The following NAALADL2 variants were observed in gnomAD, a reference collection of about 807,000 sequenced individuals.
NAALADL2 encodes the protein inactive N-acetylated-alpha-linked acidic dipeptidase-like protein 2.
In NAALADL2, 76 loss-of-function variants were observed where a neutral mutation model predicts 87.2. That is an observed-to-expected ratio of 0.87 (90% CI 0.72 to 1.05). NAALADL2 has a LOEUF of 1.05. Ranked by LOEUF, NAALADL2 falls within the 50% of genes least tolerant of loss-of-function variation. The probability of loss-of-function intolerance (pLI) is 0.00; values close to 1 mark genes in which losing one functional copy is unlikely to be tolerated. For missense variants in NAALADL2, 1,089 were observed against 945.8 expected (o/e 1.15, Z -1.99); for synonymous variants, 354 against 331.0 (o/e 1.07, Z -0.75).
At chr3:175,317,600 C>G (rs1411602542) in intron 4 of NAALADL2, among the ~76,000 whole-genome samples, 2 of 151,826 alleles carry the variant, frequency 1.3e-5, no homozygotes, top group African/African-American at 4.8e-5. Context: ...GTTTTACTTT[C>G]AAAAAAGTGA....
At chr3:174,709,499 G>A (rs904305079) in intron 2 of NAALADL2, among the ~76,000 whole-genome samples, 4 of 152,078 alleles carry the variant, frequency 2.6e-5, no homozygotes, top group African/African-American at 9.7e-5. Context: ...AGATGATTCT[G>A]GGTTTCTAAA....
chr3:175,536,365 T>C (rs934552604), intron 9 of NAALADL2, among the ~76,000 whole-genome samples: 8 of 152,186 alleles, frequency 5.3e-5, no homozygotes, highest in African/African-American at 1.9e-4. Context: ...TTACCTAACA[T>C]ATGACCCCCA....
At chr3:175,461,316 G>T (rs1406828968) in intron 6 of NAALADL2, among the ~76,000 whole-genome samples, 1 of 151,960 alleles carries the variant, frequency 6.6e-6, no homozygotes, top group Non-Finnish European at 1.5e-5. Flanking sequence ...ACAGAGTGCT[G>T]ATTGGCACAT....
intron 9 of NAALADL2, among the ~76,000 whole-genome samples, chr3:175,526,766 G>A (rs1733471870): frequency 6.6e-6 from 1 of 152,012 alleles, no homozygotes; most frequent in Non-Finnish European, 1.5e-5. Flanking sequence ...TTTGTTCCAC[G>A]GGTCCACCAG....
intron 2 of NAALADL2, among the ~76,000 whole-genome samples, chr3:175,141,406 A>T (rs566569193): frequency 3.3e-4 from 50 of 152,212 alleles, no homozygotes; most frequent in African/African-American, 1.2e-3. Flanking sequence ...AGCAAGAGAT[A>T]AATTCAAGTC....
intron 2 of NAALADL2, among the ~76,000 whole-genome samples, chr3:175,186,627 A>C (rs1273067235): frequency 6.6e-6 from 1 of 152,106 alleles, no homozygotes; most frequent in Admixed American, 6.6e-5. Context: ...CTTTTACTTT[A>C]CTACCTTTGA....
intron 1 of NAALADL2, among the ~76,000 whole-genome samples, chr3:174,488,623 A>G (rs1453831890): frequency 6.6e-6 from 1 of 152,062 alleles, no homozygotes; most frequent in Non-Finnish European, 1.5e-5. Flanking sequence ...GCTATCTGGG[A>G]TAAGTTCTTA....
intron 5 of NAALADL2, among the ~76,000 whole-genome samples, chr3:175,390,510 T>C (rs965580678): frequency 6.6e-6 from 1 of 152,160 alleles, no homozygotes; most frequent in Non-Finnish European, 1.5e-5. Flanking sequence ...GCTTGAAGCT[T>C]ATATACCATC....
intron 1 of NAALADL2, among the ~76,000 whole-genome samples, chr3:174,518,051 C>G (rs1023877482): frequency 1.3e-5 from 2 of 151,938 alleles, no homozygotes; most frequent in Non-Finnish European, 2.9e-5. Context: ...TGCACAGACT[C>G]GAAAAAACTG....
chr3:175,163,655 T>C (rs1323761373), intron 2 of NAALADL2, among the ~76,000 whole-genome samples: 1 of 152,134 alleles, frequency 6.6e-6, no homozygotes, highest in African/African-American at 2.4e-5. Flanking sequence ...AAAAGACCCA[T>C]CGGTCTATAG....
intron 10 of NAALADL2, among the ~76,000 whole-genome samples, chr3:175,594,185 T>C (rs1257291915): frequency 6.6e-6 from 1 of 152,112 alleles, no homozygotes; most frequent in Non-Finnish European, 1.5e-5. Context: ...GTGTCTATTG[T>C]TCCCATGTTT....
chr3:174,454,153 T>G (rs1715667616), intron 1 of NAALADL2, among the ~76,000 whole-genome samples: 1 of 152,032 alleles, frequency 6.6e-6, no homozygotes, highest in Non-Finnish European at 1.5e-5. Context: ...GACAAGGGCA[T>G]TACGTAATGA....
chr3:174,878,785 C>T (rs1728828307), intron 1 of NAALADL2, among the ~76,000 whole-genome samples: 1 of 151,912 alleles, frequency 6.6e-6, no homozygotes, highest in South Asian at 2.1e-4. Context: ...GACTTTTTTT[C>T]ATACCTCAGA....
At chr3:174,600,252 G>A (rs1219491515) in intron 2 of NAALADL2, among the ~76,000 whole-genome samples, 1 of 152,032 alleles carries the variant, frequency 6.6e-6, no homozygotes, top group Non-Finnish European at 1.5e-5. Flanking sequence ...TGTGCTCAGA[G>A]CTTTTCAACC....
rs149450159 is a variant in NAALADL2 at position 175,027,398 on chromosome 3, A to G, written c.44-69392A>G. ...ACATCTTCTCACAAATGTTATGTAA[A>G]CCATAACATTATAGAAAAAAACAAT... On this transcript the variant is annotated intron_variant, in intron 1 of 13. Coordinates refer to ENST00000454872, the MANE Select transcript of NAALADL2 (RefSeq NM_207015.3). Among the ~76,000 whole-genome samples, 524 of 152,190 alleles carry G rather than the reference A, an allele frequency of 3.4e-3. 3 individuals are homozygous for G. The highest frequency in any genetic ancestry group is 9.8e-3 in the African/African-American group (406 of 41,550).
In NAALADL2 at chr3:175,162,369, T is replaced by A. The variant is rs542767030; in HGVS notation, c.545+65078T>A. 1.0e-3 allele frequency among the ~76,000 whole-genome samples: 157 copies of A among 152,292 alleles called. 1 individual carries two copies. The Middle Eastern group carries it at 0.02, about 20-fold the overall frequency. The stretch of plus-strand genomic sequence containing the variant: ...GTGTTGTCTACATAGATATCCACAA[T>A]AATGCAAACTACAGGTTGAAGTCGT... On this transcript the variant is annotated intron_variant, in intron 2 of 13. Coordinates refer to ENST00000454872, the MANE Select transcript of NAALADL2 (RefSeq NM_207015.3).
intron 9 of NAALADL2, among the ~76,000 whole-genome samples, chr3:175,475,024 TA>T (rs1725481899): frequency 1.3e-5 from 2 of 149,612 alleles, no homozygotes; most frequent in Admixed American, 1.3e-4. Context: ...AACATTTAAG[TA>T]CACACACACA....
intron 2 of NAALADL2, among the ~76,000 whole-genome samples, chr3:174,604,735 C>T (rs149421492): frequency 6.4e-4 from 97 of 150,752 alleles, no homozygotes; most frequent in Non-Finnish European, 1.3e-3. Flanking sequence ...TTTTGTGTCT[C>T]CACTGTATGT....
chr3:174,554,535 T>G (rs1712519749), intron 2 of NAALADL2, among the ~76,000 whole-genome samples: 2 of 152,060 alleles, frequency 1.3e-5, no homozygotes, highest in Non-Finnish European at 2.9e-5. Context: ...CTTTTAATGT[T>G]TCCTCCATTG....
Sources: gnomAD v4.1 joint callset for allele counts (sites outside exome capture counted in the v4.1 genomes callset) on GRCh38, gnomAD v4.1.1 for gene constraint, MANE v1.5 for transcripts, NCBI Gene and HGNC (gene_info 2026-07-23, HGNC 2026-07-21) for gene names.